Variants in MTAP observed in about 807,000 individuals in gnomAD.
MTAP encodes methylthioadenosine phosphorylase.
Under a neutral mutation model 33.6 loss-of-function variants are expected in MTAP, and 33 were observed. The ratio of observed to expected loss-of-function variants is 0.98; its 90% CI spans 0.74 to 1.31. The LOEUF (loss-of-function observed/expected upper bound fraction) is 1.31, where lower values mean the gene tolerates loss of function less well. MTAP is among the 40% of genes most tolerant of loss of function. The pLI is 0.00. For synonymous variants in MTAP, 148 were observed against 125.7 expected (o/e 1.18, Z -1.19); for missense variants, 367 against 360.0 (o/e 1.02, Z -0.16).
intron 4 of MTAP, among the ~76,000 whole-genome samples, chr9:21,828,895 T>G (rs931171086): frequency 2.6e-5 from 4 of 152,254 alleles, no homozygotes; most frequent in African/African-American, 9.6e-5. Context: ...ATCTTTTAAG[T>G]GCTGCTGCCT....
intron 5 of MTAP, among the ~76,000 whole-genome samples, chr9:21,849,694 G>T (rs539219135): frequency 1.3e-5 from 2 of 152,324 alleles, no homozygotes; most frequent in African/African-American, 4.8e-5. Context: ...TTAAAGACTT[G>T]AAAGACGCAG....
chr9:21,880,462 C>G (rs1282172268), intron 1 of MTAP, among the ~76,000 whole-genome samples: 1 of 152,082 alleles, frequency 6.6e-6, no homozygotes, highest in African/African-American at 2.4e-5. Flanking sequence ...AAAACTATTT[C>G]TAATTCCCAG....
downstream of MTAP, chr9:21,933,646 A>G (rs901455546): frequency 6.6e-6 from 1 of 152,228 alleles, no homozygotes; most frequent in Admixed American, 6.5e-5. Context: ...CATCCTTTAG[A>G]TAATCTTAAC....
At chr9:21,907,675 T>C (rs966140126) in intron 1 of MTAP, among the ~76,000 whole-genome samples, 3 of 151,114 alleles carry the variant, frequency 2.0e-5, no homozygotes, top group South Asian at 2.1e-4. Flanking sequence ...GTGTGGGTGT[T>C]TTTTTTTTAC....
At chr9:21,886,074 C>T (rs754592234) in intron 1 of MTAP, among the ~76,000 whole-genome samples, 1 of 151,816 alleles carries the variant, frequency 6.6e-6, no homozygotes, top group African/African-American at 2.4e-5. Flanking sequence ...TTTACATGCC[C>T]ACCAGCAATG....
In MTAP at chr9:21,803,036, A is replaced by ACACACACACACACACG. The variant is rs1020757334; in HGVS notation, c.33+256_33+257insACACACACACACACGC. 2.7e-5 allele frequency: 28 copies of ACACACACACACACACG among 1,039,926 alleles called. 1 individual carries two copies. The African/African-American group carries it at 4.7e-4, about 18-fold the overall frequency. The allele number at this position is 1,039,926 out of a possible 1,614,324, so 64.4% of individuals were successfully genotyped here. A position where few individuals can be genotyped will look rare whatever the true frequency, so the allele number is the denominator to read the frequency against. On this transcript the variant is annotated intron_variant, in intron 1 of 7. Transcript: ENST00000644715. ...CACACACACACACACACACACACAC[A>ACACACACACACACACG]CCACCTTTTGGCTTATCTGCACCCG... is the stretch of plus-strand genomic sequence containing the variant.
At chr9:21,823,904 A>T (rs1824714966) in intron 4 of MTAP, among the ~76,000 whole-genome samples, 1 of 152,226 alleles carries the variant, frequency 6.6e-6, no homozygotes, top group African/African-American at 2.4e-5. Context: ...GGAATCGGCT[A>T]CTGAGGCTTG....
At chr9:21,882,869 T>A (rs1818037462) in intron 1 of MTAP, among the ~76,000 whole-genome samples, 2 of 151,904 alleles carry the variant, frequency 1.3e-5, no homozygotes, top group Admixed American at 1.3e-4. Context: ...AATTCATATA[T>A]CAAAGAATAA....
chr9:21,911,500 T>G (rs201923855), intron 1 of MTAP, among the ~76,000 whole-genome samples: 26 of 152,206 alleles, frequency 1.7e-4, no homozygotes, highest in African/African-American at 6.0e-4. Context: ...CAACTACATG[T>G]AAACTGAAGA....
intron 4 of MTAP, among the ~76,000 whole-genome samples, chr9:21,832,741 C>G (rs1463338898): frequency 2.0e-5 from 3 of 152,152 alleles, no homozygotes; most frequent in African/African-American, 7.2e-5. Flanking sequence ...TCCTACACTA[C>G]CAGTTTTTGA....
At chr9:21,872,041 C>T (rs552328434), downstream of MTAP, among the ~76,000 whole-genome samples, 2 of 152,246 alleles carry the variant, frequency 1.3e-5, no homozygotes, top group Middle Eastern at 3.4e-3. Context: ...CTCTGCCAGG[C>T]GTGGTGGCTC....
chr9:21,940,975 C>A, downstream of MTAP: 1 of 985,008 alleles, frequency 1.0e-6, no homozygotes, highest in African/African-American at 1.7e-5. Context: ...TTTCAGGTGA[C>A]AACTTTCAAA....
rs1825765617 is a variant in MTAP, at chr9:21,862,025, C to T, written c.*11C>T. On this transcript the variant is annotated 3_prime_UTR_variant, in exon 8 of 8. Coordinates refer to ENST00000644715, the MANE Select transcript of MTAP (RefSeq NM_002451.4). ...TTACCAAGACATTAAAGTAGCATGG[C>T]TGCCCAGGAGAAAAGAAGACATTCT... is the stretch of plus-strand genomic sequence containing the variant. 1 of 1,612,624 alleles carries T rather than the reference C, an allele frequency of 6.2e-7. No homozygotes were observed. The highest frequency in any genetic ancestry group is 1.1e-5 in the South Asian group (1 of 90,874).
chr9:21,900,330 G>GA (rs1246535629), intron 1 of MTAP, among the ~76,000 whole-genome samples: 5 of 151,590 alleles, frequency 3.3e-5, no homozygotes, highest in African/African-American at 1.2e-4. Flanking sequence ...AATTAACAAG[G>GA]AAAAAAATTT....
intron 1 of MTAP, among the ~76,000 whole-genome samples, chr9:21,899,240 G>T (rs1337030894): frequency 8.2e-6 from 1 of 122,618 alleles, no homozygotes; most frequent in African/African-American, 3.1e-5. Flanking sequence ...TTGTGGGGTG[G>T]GGGGAGGGGG....
downstream of MTAP, chr9:21,933,602 G>GT (rs753580631): frequency 9.9e-5 from 15 of 152,130 alleles, no homozygotes; most frequent in South Asian, 2.1e-4. Flanking sequence ...AAAAAATCTT[G>GT]TTTTTTCTCC....
In MTAP at chr9:21,803,036, A is replaced by ACACACACACACACACACACACACG. The variant is rs1020757334; in HGVS notation, c.33+256_33+257insACACACACACACACACACACACGC. The ACACACACACACACACACACACACG allele has an allele frequency of 3.9e-6, 4 of 1,038,854 alleles. No homozygotes were observed. In the African/African-American group the frequency reaches 7.3e-5, roughly 19 times the overall value. The allele number at this position is 1,038,854 out of a possible 1,614,324, so 64.4% of individuals were successfully genotyped here. On this transcript the variant is annotated intron_variant, in intron 1 of 7. Transcript: ENST00000644715. ...CACACACACACACACACACACACAC[A>ACACACACACACACACACACACACG]CCACCTTTTGGCTTATCTGCACCCG...
chr9:21,917,921 A>G (rs1240601238), intron 1 of MTAP, among the ~76,000 whole-genome samples: 2 of 152,358 alleles, frequency 1.3e-5, no homozygotes, highest in East Asian at 3.9e-4. Flanking sequence ...AAAAAGGAAC[A>G]ATAATAATGT....
Position 21,859,532 on chromosome 9 carries a change from T to C in MTAP, c.813+107T>C. On this transcript the variant is annotated intron_variant, in intron 7 of 7. Transcript: ENST00000644715. The stretch of plus-strand genomic sequence containing the variant: ...CTCATGTATTTTATGCCAGCCTAGA[T>C]GTTTTCAACAAGTTTTTGTGACATC... The C allele has an allele frequency of 4.5e-6, 6 of 1,323,058 alleles. No homozygotes were observed. The South Asian group carries it at 8.6e-5, about 19-fold the overall frequency. 82.0% of individuals were successfully genotyped at this position (1,323,058 alleles called of 1,614,324 possible). A position where few individuals can be genotyped will look rare whatever the true frequency, so the allele number is the denominator to read the frequency against.
Sources: allele counts gnomAD v4.1 joint callset (sites outside exome capture counted in the v4.1 genomes callset), GRCh38; gene constraint gnomAD v4.1.1; transcripts MANE v1.5; gene names NCBI Gene and HGNC (gene_info 2026-07-23, HGNC 2026-07-21).